SLC2A13: variants seen among roughly 807,000 people sequenced by gnomAD.
SLC2A13 encodes proton myo-inositol cotransporter.
A neutral mutation model predicts 64.4 loss-of-function variants in SLC2A13; 32 were observed. The ratio of observed to expected loss-of-function variants is 0.50; its 90% CI spans 0.37 to 0.67. The LOEUF (loss-of-function observed/expected upper bound fraction) is 0.67, where lower values mean the gene tolerates loss of function less well. Ranked by LOEUF, SLC2A13 falls within the 30% of genes least tolerant of loss-of-function variation. The pLI is 0.00. For synonymous variants in SLC2A13, 338 were observed against 327.1 expected (o/e 1.03, Z -0.36); for missense variants, 743 against 829.2 (o/e 0.90, Z 1.28).
chr12:40,037,547 C>T (rs558287351), intron 2 of SLC2A13, among the ~76,000 whole-genome samples: 9 of 147,278 alleles, frequency 6.1e-5, no homozygotes, highest in South Asian at 2.2e-4. Flanking sequence ...TGAGCCTAGG[C>T]GGTCAATGCT....
At position 39,755,211 on chromosome 12, in the gene SLC2A13, T is replaced by G. The variant is rs951508818; in HGVS notation, c.*4815A>C. ...ACAATACTTTTGATACAGCATAGGC[T>G]AGGATGACTTTGAAGGAAATGGTAC... On this transcript the variant is annotated 3_prime_UTR_variant, in exon 10 of 10. Coordinates refer to ENST00000280871, the MANE Select transcript of SLC2A13 (RefSeq NM_052885.4). 3.9e-5 allele frequency: 6 copies of G among 152,120 alleles called. No individual in the cohort carries two copies. The highest frequency in any genetic ancestry group is 3.9e-4 in the Admixed American group (6 of 15,250). 9.4% of individuals were successfully genotyped at this position (152,120 alleles called of 1,614,324 possible).
chr12:39,817,464 A>G (rs529477553), intron 7 of SLC2A13, among the ~76,000 whole-genome samples: 1 of 149,046 alleles, frequency 6.7e-6, no homozygotes, highest in Admixed American at 6.7e-5. Context: ...ACATTGTATC[A>G]ACTCCTTATT....
chr12:39,936,608 C>G (rs1945922427), intron 4 of SLC2A13, among the ~76,000 whole-genome samples: 1 of 152,098 alleles, frequency 6.6e-6, no homozygotes, highest in Non-Finnish European at 1.5e-5. Flanking sequence ...CTGACTAAAG[C>G]AAGGCCTGAC....
intron 3 of SLC2A13, among the ~76,000 whole-genome samples, chr12:39,973,544 T>C (rs147302873): frequency 6.6e-6 from 1 of 152,344 alleles, no homozygotes; most frequent in East Asian, 1.9e-4. Flanking sequence ...CACATCTGAC[T>C]TCTTATTCCA....
chr12:39,927,819 A>C (rs573927364), intron 4 of SLC2A13, among the ~76,000 whole-genome samples: 1 of 152,214 alleles, frequency 6.6e-6, no homozygotes, highest in South Asian at 2.1e-4. Flanking sequence ...CCAGAGATAC[A>C]CAACATGATT....
At chr12:39,771,509 A>T (rs1490613583) in intron 7 of SLC2A13, among the ~76,000 whole-genome samples, 1 of 152,140 alleles carries the variant, frequency 6.6e-6, no homozygotes, top group Admixed American at 6.5e-5. Flanking sequence ...GAATTCTGCT[A>T]ACAAAAATGA....
chr12:39,930,966 A>G (rs1455602269), intron 4 of SLC2A13, among the ~76,000 whole-genome samples: 1 of 152,226 alleles, frequency 6.6e-6, no homozygotes, highest in Non-Finnish European at 1.5e-5. Context: ...CATTATATAC[A>G]TGCAAACTAA....
chr12:40,039,725 C>G (rs566027446), intron 2 of SLC2A13, among the ~76,000 whole-genome samples: 1 of 152,198 alleles, frequency 6.6e-6, no homozygotes, highest in Non-Finnish European at 1.5e-5. Context: ...CCACACACTT[C>G]CTGCCCACGT....
chr12:40,069,824 T>C (rs566977191), intron 1 of SLC2A13, among the ~76,000 whole-genome samples: 1 of 152,292 alleles, frequency 6.6e-6, no homozygotes, highest in African/African-American at 2.4e-5. Flanking sequence ...CTTCTTAAAT[T>C]CTGGGTTTAA....
chr12:40,043,381 G>A (rs1208903001), intron 2 of SLC2A13, among the ~76,000 whole-genome samples: 1 of 152,078 alleles, frequency 6.6e-6, no homozygotes, highest in Non-Finnish European at 1.5e-5. Flanking sequence ...TGTAATCCCA[G>A]CACTTTGGGA....
chr12:40,100,686 G>A (rs762555160), intron 1 of SLC2A13, among the ~76,000 whole-genome samples: 28 of 152,162 alleles, frequency 1.8e-4, no homozygotes, highest in Non-Finnish European at 2.6e-4. Flanking sequence ...ACCCTGGGCC[G>A]GGCATGGTGG....
chr12:39,763,585 A>G (rs1193873139), intron 9 of SLC2A13, among the ~76,000 whole-genome samples: 10 of 152,042 alleles, frequency 6.6e-5, no homozygotes. Flanking sequence ...CTGTTCTTGC[A>G]AAGAGAAATG....
intron 7 of SLC2A13, among the ~76,000 whole-genome samples, chr12:39,823,079 T>G (rs1274377795): frequency 6.6e-6 from 1 of 152,204 alleles, no homozygotes; most frequent in African/African-American, 2.4e-5. Flanking sequence ...TGAAATTATT[T>G]ATGGGTAGAT....
At chr12:39,973,148 A>G (rs1325734886) in intron 3 of SLC2A13, among the ~76,000 whole-genome samples, 1 of 152,192 alleles carries the variant, frequency 6.6e-6, no homozygotes, top group African/African-American at 2.4e-5. Context: ...CATTCTAAGC[A>G]GGCTTTCCTC....
chr12:39,799,949 C>A (rs971566396), intron 7 of SLC2A13, among the ~76,000 whole-genome samples: 1 of 152,146 alleles, frequency 6.6e-6, no homozygotes, highest in Non-Finnish European at 1.5e-5. Context: ...AAGTGTTCCC[C>A]ATGTGCAGTG....
At chr12:39,832,907 G>C (rs1198104794) in intron 6 of SLC2A13, among the ~76,000 whole-genome samples, 2 of 152,050 alleles carry the variant, frequency 1.3e-5, no homozygotes, top group African/African-American at 2.4e-5. Flanking sequence ...TCACACTATA[G>C]AGCAGATGAG....
At chr12:39,812,451 TCTTTCTTTCTC>T (rs1028053131) in intron 7 of SLC2A13, among the ~76,000 whole-genome samples, 2 of 151,270 alleles carry the variant, frequency 1.3e-5, no homozygotes, top group African/African-American at 4.9e-5. Context: ...TTCTTCTCTT[TCTTTCTTTCTC>T]CTTTCTTTCT....
At chr12:39,913,248 TA>T (rs1945460204) in intron 4 of SLC2A13, among the ~76,000 whole-genome samples, 1 of 152,044 alleles carries the variant, frequency 6.6e-6, no homozygotes, top group Admixed American at 6.5e-5. Flanking sequence ...GATTAACTTT[TA>T]CACATTGGAA....
At chr12:39,787,084 T>C (rs1433961595) in intron 7 of SLC2A13, among the ~76,000 whole-genome samples, 2 of 152,118 alleles carry the variant, frequency 1.3e-5, no homozygotes, top group African/African-American at 4.8e-5. Context: ...GATCTATGTA[T>C]CAGGAGTGAC....
Sources: allele counts gnomAD v4.1 joint callset (sites outside exome capture counted in the v4.1 genomes callset), GRCh38; gene constraint gnomAD v4.1.1; transcripts MANE v1.5; gene names NCBI Gene and HGNC (gene_info 2026-07-23, HGNC 2026-07-21).